The following ANK1 variants were observed in gnomAD, a reference collection of about 807,000 sequenced individuals.
ANK1 encodes the protein ankyrin 1.
Under a neutral mutation model 210.4 loss-of-function variants are expected in ANK1, and 51 were observed. The ratio of observed to expected loss-of-function variants is 0.24; its 90% CI spans 0.19 to 0.31. ANK1 has a LOEUF of 0.31. ANK1 is among the 10% of genes least tolerant of loss of function. ANK1 has a pLI of 1.00. For missense variants in ANK1, 2,051 were observed against 2,504.4 expected (o/e 0.82, Z 3.86); for synonymous variants, 967 against 1,025.9 (o/e 0.94, Z 1.10).
In ANK1 at chr8:41,693,212, G is replaced by T. The variant is rs781307853; in HGVS notation, c.3533-11C>A. 2 of 1,568,318 alleles carry T rather than the reference G, an allele frequency of 1.3e-6. No individual in the cohort carries two copies. The highest frequency in any genetic ancestry group is 1.8e-6 in the Non-Finnish European group (2 of 1,138,362). On this transcript the variant is annotated splice_polypyrimidine_tract_variant and intron_variant, in intron 29 of 42. Transcript: ENST00000289734. ...CTTGGTCTGTTCCTCCTGTAACAGC[G>T]GCAGAAATGGGGCTGGGGACAGTCT... is the stretch of plus-strand genomic sequence containing the variant.
chr8:41,865,566 C>A (rs540994607), intron 1 of ANK1, among the ~76,000 whole-genome samples: 3 of 152,148 alleles, frequency 2.0e-5, no homozygotes, highest in African/African-American at 4.8e-5. Context: ...GGCCCTGTGG[C>A]ACCTGAAGCT....
At chr8:41,812,601 G>A (rs560677706) in intron 1 of ANK1, among the ~76,000 whole-genome samples, 1 of 151,992 alleles carries the variant, frequency 6.6e-6, no homozygotes, top group African/African-American at 2.4e-5. Context: ...CAGCTTCTTA[G>A]AGCTACTCTT....
At chr8:41,877,236 C>T (rs1296953071) in intron 1 of ANK1, among the ~76,000 whole-genome samples, 2 of 152,246 alleles carry the variant, frequency 1.3e-5, no homozygotes, top group South Asian at 2.1e-4. Context: ...GGGTGGGACC[C>T]GCTGGAGAAG....
intron 21 of ANK1, 99 bp downstream of exon 21, chr8:41,701,953 G>A (rs1344686260): frequency 3.1e-6 from 4 of 1,308,790 alleles, no homozygotes; most frequent in South Asian, 1.2e-5. Context: ...CCCGCGTCCC[G>A]GAGCCCCAGA....
At chr8:41,722,540 G>A (rs1434075085) in intron 9 of ANK1, among the ~76,000 whole-genome samples, 2 of 152,190 alleles carry the variant, frequency 1.3e-5, no homozygotes, top group East Asian at 1.9e-4. Flanking sequence ...TTGAAGACTC[G>A]AGTCCTTATG....
chr8:41,675,467 T>C (rs1037500769), intron 37 of ANK1, among the ~76,000 whole-genome samples: 19 of 152,220 alleles, frequency 1.2e-4, no homozygotes, highest in South Asian at 4.1e-4. Context: ...ATGAGGAAAA[T>C]AATATAATTC....
intron 39 of ANK1, chr8:41,664,680 C>T: frequency 2.0e-6 from 2 of 975,804 alleles, no homozygotes; most frequent in South Asian, 1.4e-5. Context: ...CCCTGGGGGC[C>T]TCCTGGTCCT....
In ANK1 at chr8:41,717,607, G is replaced by T; in HGVS notation, c.1302C>A (p.Asn434Lys). ...CCCTGCCTGCCTGAGGGCTTACCACGTTGGAGACGTTGGGCGACGCCCCCC... is the reference window on the plus strand; with the variant it reads ...CCCTGCCTGCCTGAGGGCTTACCACTTTGGAGACGTTGGGCGACGCCCCCC... ...LQRGASPNVSNVKVETPLHMA... is the reference protein window; with the variant it reads ...LQRGASPNVSKVKVETPLHMA... The change falls in exon 12 of 43, where the codon AAC (asparagine) becomes AAA (lysine). Residue 434 changes from asparagine (N) to lysine (K), a missense_variant. By Grantham distance (94) the Asn-to-Lys change is moderately conservative. Around this residue, in one of 6 missense-constraint regions of ANK1, gnomAD observed 1,413 missense variants for 1,707.4 expected, o/e 0.83. Transcript: ENST00000289734. 2 of 1,551,432 alleles carry T rather than the reference G, an allele frequency of 1.3e-6. No homozygotes were observed. Among genetic ancestry groups the T allele is most frequent in the Non-Finnish European group, 8.7e-7 (1 of 1,146,970 alleles).
At chr8:41,891,699 A>G (rs1435095070) in intron 1 of ANK1, among the ~76,000 whole-genome samples, 1 of 152,216 alleles carries the variant, frequency 6.6e-6, no homozygotes. Flanking sequence ...GCAGGCTGGG[A>G]AAATTCCCAC....
intron 42 of ANK1, chr8:41,660,647 C>T: frequency 2.4e-6 from 1 of 423,626 alleles, no homozygotes; most frequent in South Asian, 1.7e-5. Flanking sequence ...TGTGGCCACA[C>T]TGCCCCATGC....
At chr8:41,850,829 G>A (rs1044550852) in intron 1 of ANK1, among the ~76,000 whole-genome samples, 4 of 152,194 alleles carry the variant, frequency 2.6e-5, no homozygotes, top group African/African-American at 9.7e-5. Context: ...AGAAGCTTAG[G>A]CAATATGCCT....
intron 1 of ANK1, among the ~76,000 whole-genome samples, chr8:41,767,165 C>T (rs1356690832): frequency 6.6e-6 from 1 of 152,108 alleles, no homozygotes; most frequent in Non-Finnish European, 1.5e-5. Flanking sequence ...CTAGAAGCCT[C>T]GGCAGCAGAA....
chr8:41,787,309 C>T (rs989995629), intron 1 of ANK1, among the ~76,000 whole-genome samples: 1 of 152,240 alleles, frequency 6.6e-6, no homozygotes, highest in Non-Finnish European at 1.5e-5. Flanking sequence ...TGGCAATTCA[C>T]ACCCATTTGG....
At chr8:41,782,281 A>G (rs1448110997) in intron 1 of ANK1, among the ~76,000 whole-genome samples, 1 of 152,222 alleles carries the variant, frequency 6.6e-6, no homozygotes, top group African/African-American at 2.4e-5. Context: ...ATGGCCAAGA[A>G]GAAAACGCAG....
intron 1 of ANK1, among the ~76,000 whole-genome samples, chr8:41,806,074 C>G (rs1354461475): frequency 6.6e-6 from 1 of 152,182 alleles, no homozygotes; most frequent in African/African-American, 2.4e-5. Flanking sequence ...AGTCCAATAA[C>G]ATTGCTGTAT....
At position 41,744,663 on chromosome 8, in the gene ANK1, A is replaced by G. The variant is rs952797244; in HGVS notation, c.130-10594T>C. ...ACCATTCTCCTGCCTCAGCCTCCCA[A>G]GTAGCTGGGACTACAGGCCCGCCAC... On this transcript the variant is annotated intron_variant, in intron 2 of 42. Coordinates refer to ENST00000289734, the MANE Select transcript of ANK1 (RefSeq NM_000037.4). Among the ~76,000 whole-genome samples, 4 of 151,720 alleles carry G rather than the reference A, an allele frequency of 2.6e-5. No homozygotes were observed. In the East Asian group the frequency reaches 7.8e-4, roughly 29 times the overall value.
chr8:41,793,445 A>C (rs1382738587), intron 1 of ANK1, among the ~76,000 whole-genome samples: 1 of 152,194 alleles, frequency 6.6e-6, no homozygotes, highest in Non-Finnish European at 1.5e-5. Context: ...GCATCTCAGG[A>C]AGGAGTCTAC....
intron 1 of ANK1, among the ~76,000 whole-genome samples, chr8:41,852,878 G>A (rs750972465): frequency 1.3e-5 from 2 of 152,174 alleles, no homozygotes; most frequent in Non-Finnish European, 2.9e-5. Flanking sequence ...GTTTGTCTGA[G>A]ACTCTGCCAC....
chr8:41,811,892 G>A (rs1428668539), intron 1 of ANK1, among the ~76,000 whole-genome samples: 2 of 152,200 alleles, frequency 1.3e-5, no homozygotes, highest in Admixed American at 1.3e-4. Context: ...AGGTGGTGAT[G>A]ACATACCTGT....
Sources: allele counts gnomAD v4.1 joint callset (sites outside exome capture counted in the v4.1 genomes callset), GRCh38; gene constraint gnomAD v4.1.1; regional missense constraint gnomAD v4.1.1; transcripts MANE v1.5; gene names NCBI Gene and HGNC (gene_info 2026-07-23, HGNC 2026-07-21).